COL28A1: variants seen among roughly 807,000 people sequenced by gnomAD.
COL28A1 encodes collagen type XXVIII alpha 1 chain.
COL28A1 carries 161 observed loss-of-function variants against 150.2 expected under a neutral mutation model. The ratio of observed to expected loss-of-function variants is 1.07; its 90% CI spans 0.94 to 1.22. The LOEUF is 1.22. Ranked by LOEUF, COL28A1 falls within the 50% of genes most tolerant of loss-of-function variation. The pLI is 0.00. For missense variants in COL28A1, 1,617 were observed against 1,388.3 expected (o/e 1.16, Z -2.62); for synonymous variants, 552 against 469.7 (o/e 1.18, Z -2.26).
At chr7:7,543,637 C>T in the COL28A1 span, among the ~76,000 whole-genome samples, 3 of 152,054 alleles carry the variant, frequency 2.0e-5, no homozygotes, top group East Asian at 5.8e-4. Context: ...TGCAGGATTT[C>T]CATCATATAG....
intron 15 of COL28A1, among the ~76,000 whole-genome samples, chr7:7,460,092 T>G: frequency 6.6e-6 from 1 of 152,202 alleles, no homozygotes; most frequent in East Asian, 1.9e-4. Context: ...AGCCCATCCC[T>G]GATTTCTTAA....
chr7:7,509,098 T>G (rs1299745805), intron 9 of COL28A1, among the ~76,000 whole-genome samples: 1 of 151,982 alleles, frequency 6.6e-6, no homozygotes, highest in Non-Finnish European at 1.5e-5. Flanking sequence ...CCTCCAAAAG[T>G]GTTGGGATTA....
intron 8 of COL28A1, 55 bp from the exon 9 acceptor site, chr7:7,511,190 A>C (rs1781116132): frequency 1.5e-6 from 2 of 1,357,002 alleles, no homozygotes; most frequent in African/African-American, 2.9e-5. Flanking sequence ...ATTCACTATT[A>C]AGAATGTTTG....
intron 10 of COL28A1, 97 bp from the exon 11 acceptor site, chr7:7,506,164 T>A: frequency 2.6e-6 from 2 of 755,494 alleles, no homozygotes; most frequent in Non-Finnish European, 4.8e-6. Context: ...GCGATCGAAG[T>A]TAGACTGTGT....
chr7:7,444,603 C>A, intron 18 of COL28A1, 114 bp from the exon 19 acceptor site: 1 of 962,304 alleles, frequency 1.0e-6, no homozygotes, highest in South Asian at 1.6e-5. Context: ...ATCTCATTAG[C>A]AATTAATACT....
chr7:7,430,283 C>T (rs770058359), intron 25 of COL28A1, among the ~76,000 whole-genome samples: 1 of 152,088 alleles, frequency 6.6e-6, no homozygotes, highest in African/African-American at 2.4e-5. Context: ...CCCACCACCA[C>T]GCCCAGCTAA....
chr7:7,375,340 G>A lies in COL28A1; in HGVS notation c.2359+121C>T, dbSNP rs556010967. ...TTCAGTTTCCATCGACTTTTCAAAT[G>A]AGCTTCACATTTTCCCGCTAGCTAT... On this transcript the variant is annotated intron_variant, in intron 31 of 34. Transcript: ENST00000399429. 7.5e-5 allele frequency: 68 copies of A among 901,772 alleles called. 1 individual carries two copies. In the Middle Eastern group the frequency reaches 2.0e-3, roughly 26 times the overall value. The allele number at this position is 901,772 out of a possible 1,614,324, so 55.9% of individuals were successfully genotyped here. A position where few individuals can be genotyped will look rare whatever the true frequency, so the allele number is the denominator to read the frequency against.
At chr7:7,383,289 T>TGTGTGTGTG (rs143750254) in intron 27 of COL28A1, among the ~76,000 whole-genome samples, 1 of 92,446 alleles carries the variant, frequency 1.1e-5, no homozygotes, top group African/African-American at 6.4e-5. Flanking sequence ...TGTGTGTGTG[T>TGTGTGTGTG]TTTTTTTGAG....
intron 11 of COL28A1, among the ~76,000 whole-genome samples, chr7:7,499,158 T>C (rs1250796379): frequency 6.6e-6 from 1 of 152,180 alleles, no homozygotes; most frequent in East Asian, 1.9e-4. Context: ...GGATTACTAA[T>C]GATTCTTTCC....
chr7:7,374,038 A>AAAT lies in COL28A1; in HGVS notation c.2360-493_2360-492insATT. ...TACTTGACTCTTAAAAAAAAAAAAAAATATATATATATATATATATATACT... is the reference window on the plus strand; with the variant it reads ...TACTTGACTCTTAAAAAAAAAAAAAAAATATATATATATATATATATATATACT... On this transcript the variant is annotated intron_variant, in intron 31 of 34. Transcript: ENST00000399429. 3.2e-3 allele frequency among the ~76,000 whole-genome samples: 365 copies of AAAT among 113,608 alleles called. 1 individual carries two copies. The highest frequency in any genetic ancestry group is 4.4e-3 in the Non-Finnish European group (257 of 58,746). The allele number at this position is 113,608 out of a possible 152,430, so 74.5% of individuals were successfully genotyped here. A position where few individuals can be genotyped will look rare whatever the true frequency, so the allele number is the denominator to read the frequency against.
At position 7,430,717 on chromosome 7, in the gene COL28A1, G is replaced by A. The variant is rs543494471; in HGVS notation, c.1998+1756C>T. ...TTTTTACCATTGTTTCACTCACAGC[G>A]TAAGATAATGAGGTTTACCTATTGA... On this transcript the variant is annotated intron_variant, in intron 25 of 34. Transcript: ENST00000399429. Among the ~76,000 whole-genome samples the A allele has an allele frequency of 1.2e-3, 186 of 152,040 alleles. 4 individuals are homozygous for A. Among genetic ancestry groups the A allele is most frequent in the Admixed American group, 0.011 (168 of 15,280 alleles).
At chr7:7,403,568 G>A (rs1460620116) in intron 27 of COL28A1, among the ~76,000 whole-genome samples, 5 of 152,026 alleles carry the variant, frequency 3.3e-5, no homozygotes, top group Admixed American at 3.3e-4. Flanking sequence ...CTTCCTTACT[G>A]GACATTGGTA....
intron 24 of COL28A1, 39 bp downstream of exon 24, chr7:7,432,592 CT>C (rs1785050709): frequency 1.9e-6 from 3 of 1,612,098 alleles, no homozygotes; most frequent in Non-Finnish European, 2.5e-6. Context: ...GTATGCAACA[CT>C]CAAAAAGGAG....
At chr7:7,399,902 C>G (rs1156654229) in intron 27 of COL28A1, among the ~76,000 whole-genome samples, 1 of 152,234 alleles carries the variant, frequency 6.6e-6, no homozygotes, top group East Asian at 1.9e-4. Flanking sequence ...AGCAGAGCTG[C>G]CAGTATGCAA....
chr7:7,446,856 G>A (rs535804235), intron 18 of COL28A1, among the ~76,000 whole-genome samples: 1 of 152,292 alleles, frequency 6.6e-6, no homozygotes, highest in African/African-American at 2.4e-5. Flanking sequence ...AGTTCACAGA[G>A]TAGATTACCA....
chr7:7,493,108 T>C (rs1270279075), intron 11 of COL28A1, among the ~76,000 whole-genome samples: 1 of 149,740 alleles, frequency 6.7e-6, no homozygotes, highest in Non-Finnish European at 1.5e-5. Context: ...TACCCACTGC[T>C]GAATTTGTCT....
chr7:7,422,983 T>C (rs10085830), intron 25 of COL28A1, among the ~76,000 whole-genome samples: 29,454 of 152,160 alleles, frequency 0.19, 3,774 homozygotes, highest in African/African-American at 0.36. Context: ...AAATGCAATG[T>C]GTGGGCATGA....
At chr7:7,472,678 G>A (rs1788536087) in intron 15 of COL28A1, among the ~76,000 whole-genome samples, 2 of 152,054 alleles carry the variant, frequency 1.3e-5, no homozygotes, top group Non-Finnish European at 2.9e-5. Flanking sequence ...AAACAATTCT[G>A]AAATTCATAT....
chr7:7,506,887 G>T (rs1780838650), intron 10 of COL28A1, among the ~76,000 whole-genome samples: 1 of 152,092 alleles, frequency 6.6e-6, no homozygotes, highest in Admixed American at 6.5e-5. Context: ...TTGCCTGTTG[G>T]TACCTATCTT....
Sources: allele counts gnomAD v4.1 joint callset (sites outside exome capture counted in the v4.1 genomes callset), GRCh38; gene constraint gnomAD v4.1.1; transcripts MANE v1.5; gene names NCBI Gene and HGNC (gene_info 2026-07-23, HGNC 2026-07-21).